The following ASCC2 variants were observed in gnomAD, a reference collection of about 807,000 sequenced individuals.
ASCC2 encodes the protein activating signal cointegrator 1 complex subunit 2.
Under a neutral mutation model 93.5 loss-of-function variants are expected in ASCC2, and 42 were observed. The ratio of observed to expected loss-of-function variants is 0.45; its 90% CI spans 0.35 to 0.58. The LOEUF (loss-of-function observed/expected upper bound fraction) is 0.58, where lower values mean the gene tolerates loss of function less well. ASCC2 is among the 20% of genes least tolerant of loss of function. ASCC2 has a pLI of 0.00. For synonymous variants in ASCC2, 364 were observed against 384.2 expected, an observed-to-expected ratio of 0.95 and a Z score of 0.62; for missense variants, 859 against 977.6, an observed-to-expected ratio of 0.88 and a Z score of 1.62.
rs914124418 is a variant in ASCC2 at position 29,834,249 on chromosome 22, G to A, written c.-17-1907C>T. 10 of 244,768 alleles carry A rather than the reference G, an allele frequency of 4.1e-5. 1 individual carries two copies. The highest frequency in any genetic ancestry group is 1.8e-4 in the South Asian group (4 of 22,446). The allele number at this position is 244,768 out of a possible 1,614,324, so 15.2% of individuals were successfully genotyped here. A position where few individuals can be genotyped will look rare whatever the true frequency, so the allele number is the denominator to read the frequency against. The stretch of plus-strand genomic sequence containing the variant: ...GTTTAGTTAAACTTAGGGGTGAGAC[G>A]GGGTGAAGGGGTGGAGTGAAAGTCA... On this transcript the variant is annotated intron_variant, in intron 1 of 19. Coordinates refer to ENST00000307790, the MANE Select transcript of ASCC2 (RefSeq NM_032204.5).
Position 29,793,470 on chromosome 22 carries a change from C to T in ASCC2, c.1809G>A (p.Glu603=). 3 of 1,614,154 alleles carry T rather than the reference C, an allele frequency of 1.9e-6. No homozygotes were observed. Among genetic ancestry groups the T allele is most frequent in the Non-Finnish European group, 2.5e-6 (3 of 1,180,030 alleles). ...VVEEVPLQPG[E]SLPYHSVYYE... ...AGTAGACACTGTGGTAGGGCAGGCT[C>T]TCGCCTGGCTGCAGTGGCACCTGCA... The change falls in exon 17 of 20, where the codon GAG becomes GAA. Residue 603 remains glutamate, a synonymous_variant. Coordinates refer to ENST00000307790, the MANE Select transcript of ASCC2 (RefSeq NM_032204.5).
chr22:29,797,082 C>A lies in ASCC2; in HGVS notation c.1689-3406G>T, dbSNP rs1601839210. ...TGTCCAGGGAGATGCAACCTTGGCC[C>A]CAGACCTCATTTGGAGCCAGAAAGG... On this transcript the variant is annotated intron_variant, in intron 15 of 19. Coordinates refer to ENST00000307790, the MANE Select transcript of ASCC2 (RefSeq NM_032204.5). Among the ~76,000 whole-genome samples the A allele has an allele frequency of 2.6e-5, 4 of 152,250 alleles. No individual in the cohort carries two copies. The South Asian group carries it at 8.3e-4, about 32-fold the overall frequency.
At chr22:29,806,989 A>G in intron 9 of ASCC2, 85 bp from the exon 10 acceptor site, 6 of 1,030,692 alleles carry the variant, frequency 5.8e-6, no homozygotes, top group East Asian at 2.5e-5. Flanking sequence ...CTGAAACCCT[A>G]GCATCTTGGG....
intron 7 of ASCC2, among the ~76,000 whole-genome samples, chr22:29,813,785 G>A (rs2060537637): frequency 6.6e-6 from 1 of 152,136 alleles, no homozygotes; most frequent in Non-Finnish European, 1.5e-5. Context: ...CCCAATCACC[G>A]CTAGGGTTAC....
At chr22:29,820,753 G>C (rs2061452271) in intron 5 of ASCC2, among the ~76,000 whole-genome samples, 1 of 151,638 alleles carries the variant, frequency 6.6e-6, no homozygotes, top group Admixed American at 6.6e-5. Context: ...TGATCAACGT[G>C]GAGAAACCCC....
intron 10 of ASCC2, 48 bp from the exon 11 acceptor site, chr22:29,806,601 C>T (rs5763503): frequency 6.4e-7 from 1 of 1,566,370 alleles, no homozygotes; most frequent in East Asian, 2.2e-5. Context: ...GCAAGATGAG[C>T]TGCAGCTCCT....
rs768299643 is a variant in ASCC2 at position 29,804,781 on chromosome 22, C to G, written c.1210G>C (p.Glu404Gln). The change falls in exon 13 of 20, where the codon GAA (glutamate) becomes CAA (glutamine). Residue 404 changes from glutamate to glutamine, a missense_variant. Coordinates refer to ENST00000307790, the MANE Select transcript of ASCC2 (RefSeq NM_032204.5). ...GTGGCTTTCCGTCTGTCCACCCCTT[C>G]CCATGCACTCTCGACTGCCTGGAGG... is the stretch of plus-strand genomic sequence containing the variant. ...YILQAVESAW[E>Q]GVDRRKATDA... The G allele has an allele frequency of 6.2e-7, 1 of 1,614,034 alleles. No individual in the cohort carries two copies. The highest frequency in any genetic ancestry group is 1.3e-5 in the African/African-American group (1 of 74,902).
Position 29,793,466 on chromosome 22 carries a change from G to A in ASCC2, c.1813C>T (p.Leu605=), listed in dbSNP as rs2058033940. The A allele has an allele frequency of 2.5e-6, 4 of 1,614,088 alleles. No homozygotes were observed. Among genetic ancestry groups the A allele is most frequent in the Non-Finnish European group, 3.4e-6 (4 of 1,180,056 alleles). Reference sequence around the variant, plus strand: ...TCGTAGTAGACACTGTGGTAGGGCAGGCTCTCGCCTGGCTGCAGTGGCACC... The same window carrying A: ...TCGTAGTAGACACTGTGGTAGGGCAAGCTCTCGCCTGGCTGCAGTGGCACC... ...EEVPLQPGES[L]PYHSVYYEDE... The change falls in exon 17 of 20, where the codon CTG becomes TTG. Residue 605 remains leucine, a synonymous_variant. Transcript: ENST00000307790.
At chr22:29,820,814 G>A (rs1377971846) in intron 5 of ASCC2, among the ~76,000 whole-genome samples, 1 of 150,688 alleles carries the variant, frequency 6.6e-6, no homozygotes, top group Non-Finnish European at 1.5e-5. Context: ...GCTGAAGCAG[G>A]AGAATCACTT....
At chr22:29,806,664 AT>A in intron 10 of ASCC2, 111 bp from the exon 11 acceptor site, 1 of 1,432,660 alleles carries the variant, frequency 7.0e-7, no homozygotes. Context: ...GGAATGAGGC[AT>A]TTTTCTTGGT....
chr22:29,825,966 A>C lies in ASCC2; in HGVS notation c.82-186T>G. 1 of 571,530 alleles carries C rather than the reference A, an allele frequency of 1.7e-6. No individual in the cohort carries two copies. The highest frequency in any genetic ancestry group is 2.6e-5 in the South Asian group (1 of 38,162). The allele number at this position is 571,530 out of a possible 1,614,324, so 35.4% of individuals were successfully genotyped here. A position where few individuals can be genotyped will look rare whatever the true frequency, so the allele number is the denominator to read the frequency against. On this transcript the variant is annotated intron_variant, in intron 2 of 19. Coordinates refer to ENST00000307790, the MANE Select transcript of ASCC2 (RefSeq NM_032204.5). This position sits in a 1 kb window ranked among gnomAD's most constrained non-coding sequence, Gnocchi z 4.9. ...TGCATTCAGCGAACACTAGGCGGTA[A>C]TTAAAATCCATGTTTTCGGAGTGGA...
intron 1 of ASCC2, among the ~76,000 whole-genome samples, chr22:29,833,112 A>C (rs1460467246): frequency 6.6e-6 from 1 of 152,118 alleles, no homozygotes; most frequent in East Asian, 1.9e-4. Context: ...CTGGCTAAAA[A>C]TATGTAGATT....
At chr22:29,820,731 T>C (rs2061448319) in intron 5 of ASCC2, among the ~76,000 whole-genome samples, 2 of 151,588 alleles carry the variant, frequency 1.3e-5, no homozygotes, top group Admixed American at 6.6e-5. Flanking sequence ...GGTCGGGAGT[T>C]CGAGACCAGC....
In ASCC2 at chr22:29,838,203, T is replaced by TGCCGCCGCCGTC. The variant is rs2064119614; in HGVS notation, c.-44_-43insGACGGCGGCGGC. The TGCCGCCGCCGTC allele has an allele frequency of 2.2e-6, 1 of 444,864 alleles. No homozygotes were observed. The highest frequency in any genetic ancestry group is 4.5e-6 in the Non-Finnish European group (1 of 220,712). 27.6% of individuals were successfully genotyped at this position (444,864 alleles called of 1,614,324 possible). On this transcript the variant is annotated 5_prime_UTR_variant, in exon 1 of 20. Coordinates refer to ENST00000307790, the MANE Select transcript of ASCC2 (RefSeq NM_032204.5). Reference sequence around the variant, plus strand: ...CTCGGCGGCTCCACCACCGGCTCTGTGCCGCCGCCGCCGCCGCCGCCGCCG... The same window carrying TGCCGCCGCCGTC: ...CTCGGCGGCTCCACCACCGGCTCTGTGCCGCCGCCGTCGCCGCCGCCGCCGCCGCCGCCGCCG...
At chr22:29,797,040 C>T (rs953098453) in intron 15 of ASCC2, among the ~76,000 whole-genome samples, 2 of 152,202 alleles carry the variant, frequency 1.3e-5, no homozygotes, top group African/African-American at 2.4e-5. Context: ...CAGTGAAGCC[C>T]GGGCACCTGG....
At chr22:29,814,837 GGTCA>G in intron 6 of ASCC2, 70 bp from the exon 7 acceptor site, 2 of 1,301,864 alleles carry the variant, frequency 1.5e-6, no homozygotes, top group Non-Finnish European at 2.2e-6. Flanking sequence ...CAGCAGCCAG[GGTCA>G]GGTGATCTGA....
At chr22:29,819,455 C>T (rs2061297476) in intron 5 of ASCC2, among the ~76,000 whole-genome samples, 1 of 152,186 alleles carries the variant, frequency 6.6e-6, no homozygotes, top group Admixed American at 6.5e-5. Context: ...AGCCACCACA[C>T]CCAGCCTCAA....
intron 15 of ASCC2, among the ~76,000 whole-genome samples, chr22:29,794,279 G>A (rs958772368): frequency 1.3e-5 from 2 of 151,868 alleles, no homozygotes; most frequent in East Asian, 2.0e-4. Context: ...GGATCACAAG[G>A]TCAGGAGTTC....
intron 8 of ASCC2, among the ~76,000 whole-genome samples, chr22:29,812,707 T>C (rs1198395186): frequency 6.6e-6 from 1 of 152,148 alleles, no homozygotes; most frequent in Non-Finnish European, 1.5e-5. Flanking sequence ...CATGCTTCAC[T>C]TCACCTGCCT....
Sources: allele counts gnomAD v4.1 joint callset (sites outside exome capture counted in the v4.1 genomes callset), GRCh38; gene constraint gnomAD v4.1.1; non-coding constraint Gnocchi (gnomAD v3.1); transcripts MANE v1.5; gene names NCBI Gene and HGNC (gene_info 2026-07-23, HGNC 2026-07-21).